The following TBPL2 variants were observed in gnomAD, a reference collection of about 807,000 sequenced individuals.
TBPL2 encodes the protein TATA-box binding protein like 2.
TBPL2 carries 40 observed loss-of-function variants against 38.2 expected under a neutral mutation model. The observed-to-expected ratio is 1.05, with a 90% CI of 0.81 to 1.36. The LOEUF (loss-of-function observed/expected upper bound fraction) is 1.36. Ranked by LOEUF, TBPL2 falls within the 40% of genes most tolerant of loss-of-function variation. The pLI is 0.00. For missense variants in TBPL2, 461 were observed against 456.7 expected (o/e 1.01, Z -0.09); for synonymous variants, 169 against 171.7 (o/e 0.98, Z 0.12).
chr14:55,440,309 A>G, intron 1 of TBPL2, 87 bp downstream of exon 1: 2 of 1,499,022 alleles, frequency 1.3e-6, no homozygotes, highest in Non-Finnish European at 1.8e-6. Context: ...GGTCGCTATG[A>G]GTTTTAAGAG....
chr14:55,421,044 GA>G (rs1885734983), intron 6 of TBPL2, among the ~76,000 whole-genome samples: 1 of 135,066 alleles, frequency 7.4e-6, no homozygotes, highest in Non-Finnish European at 1.6e-5. Context: ...CTGGGCAAAA[GA>G]GTGAGAATCT....
chr14:55,427,701 A>T (rs1464676856), intron 5 of TBPL2, among the ~76,000 whole-genome samples: 1 of 152,020 alleles, frequency 6.6e-6, no homozygotes. Flanking sequence ...TGGGAGAGCC[A>T]CCAAAACGGC....
intron 1 of TBPL2, among the ~76,000 whole-genome samples, chr14:55,439,417 TCC>T (rs1317317096): frequency 1.3e-5 from 2 of 151,860 alleles, no homozygotes; most frequent in African/African-American, 4.8e-5. Flanking sequence ...GCTCTCTGTT[TCC>T]CCTGTCAAAG....
intron 1 of TBPL2, among the ~76,000 whole-genome samples, chr14:55,438,127 C>A (rs1280564765): frequency 6.6e-6 from 1 of 152,132 alleles, no homozygotes; most frequent in East Asian, 1.9e-4. Flanking sequence ...GCACTGCTTG[C>A]AGGAGAAACT....
At chr14:55,432,409 T>A in intron 4 of TBPL2, among the ~76,000 whole-genome samples, 1 of 138,094 alleles carries the variant, frequency 7.2e-6, no homozygotes, top group African/African-American at 2.8e-5. Flanking sequence ...TGAGACCGTG[T>A]CTCAGAAAAA....
chr14:55,429,993 A>C (rs1298070532), intron 4 of TBPL2, among the ~76,000 whole-genome samples: 1 of 152,018 alleles, frequency 6.6e-6, no homozygotes, highest in Non-Finnish European at 1.5e-5. Flanking sequence ...AATTCAATTC[A>C]AACTCAACAC....
chr14:55,424,492 T>C (rs1885791122), intron 5 of TBPL2, among the ~76,000 whole-genome samples: 1 of 152,208 alleles, frequency 6.6e-6, no homozygotes, highest in South Asian at 2.1e-4. Context: ...CCTGGATGGT[T>C]ATTAGAAATC....
intron 6 of TBPL2, among the ~76,000 whole-genome samples, chr14:55,417,453 TAAAAAA>T (rs539769285): frequency 2.0e-4 from 18 of 91,342 alleles, no homozygotes; most frequent in African/African-American, 8.1e-4. Context: ...ACCCTTGCCT[TAAAAAA>T]AAAAAAAAAA....
At chr14:55,428,856 A>G (rs1885875196) in exon 5 of TBPL2, 2 of 1,614,198 alleles carry the variant, frequency 1.2e-6, no homozygotes, top group East Asian at 4.5e-5. Flanking sequence ...CTGATGGGAA[A>G]TCTCACATCA....
chr14:55,424,209 T>G (rs1300811670), exon 6 of TBPL2: 1 of 1,613,506 alleles, frequency 6.2e-7, no homozygotes, highest in Admixed American at 1.7e-5. Context: ...AATTCGTGGT[T>G]TTACCATTCT....
At chr14:55,435,991 A>T in intron 2 of TBPL2, 57 bp from the exon 3 acceptor site, 1 of 1,164,046 alleles carries the variant, frequency 8.6e-7, no homozygotes, top group Non-Finnish European at 1.2e-6. Context: ...AAAAAAAAAA[A>T]AAGACAACTT....
chr14:55,432,354 A>C (rs974914696), intron 4 of TBPL2, among the ~76,000 whole-genome samples: 4 of 151,680 alleles, frequency 2.6e-5, no homozygotes, highest in Admixed American at 1.3e-4. Flanking sequence ...TGGAGGTTGC[A>C]GTGAGCCCAG....
chr14:55,432,145 C>A (rs114620418), intron 4 of TBPL2, among the ~76,000 whole-genome samples: 1 of 151,696 alleles, frequency 6.6e-6, no homozygotes, highest in African/African-American at 2.4e-5. Flanking sequence ...TAGTAGCTCA[C>A]GCCTGTAATC....
chr14:55,424,321 C>A, intron 5 of TBPL2, 68 bp from the exon 6 acceptor site: 1 of 1,000,534 alleles, frequency 1.0e-6, no homozygotes, highest in African/African-American at 1.6e-5. Context: ...ACATGTAAGG[C>A]CCAGTATATT....
chr14:55,435,758 A>AC, intron 3 of TBPL2, 89 bp downstream of exon 3: 2 of 970,296 alleles, frequency 2.1e-6, no homozygotes, highest in African/African-American at 1.7e-5. Context: ...TTAAGAAAAA[A>AC]CAGAGGAATT....
intron 5 of TBPL2, among the ~76,000 whole-genome samples, chr14:55,427,759 C>T (rs976266715): frequency 6.6e-6 from 1 of 151,650 alleles, no homozygotes; most frequent in Non-Finnish European, 1.5e-5. Context: ...AGTCTGAAGT[C>T]AGGAAGGCTA....
At chr14:55,426,166 C>G (rs1045738471) in intron 5 of TBPL2, among the ~76,000 whole-genome samples, 16 of 151,708 alleles carry the variant, frequency 1.1e-4, no homozygotes, top group African/African-American at 3.9e-4. Flanking sequence ...ACTCAGGAGG[C>G]TGAGGCAGGA....
intron 6 of TBPL2, among the ~76,000 whole-genome samples, chr14:55,415,132 A>T (rs1294134503): frequency 6.6e-6 from 1 of 152,144 alleles, no homozygotes; most frequent in Admixed American, 6.5e-5. Flanking sequence ...CCAGCTTCCA[A>T]ATTATGCAGG....
intron 6 of TBPL2, among the ~76,000 whole-genome samples, chr14:55,417,570 A>T (rs932917803): frequency 1.3e-5 from 2 of 150,900 alleles, no homozygotes; most frequent in Non-Finnish European, 2.9e-5. Context: ...AGTGATTCTC[A>T]TGCCTCAGCC....
Sources: allele counts gnomAD v4.1 joint callset (sites outside exome capture counted in the v4.1 genomes callset), GRCh38; gene constraint gnomAD v4.1.1; transcripts MANE v1.5; gene names NCBI Gene and HGNC (gene_info 2026-07-23, HGNC 2026-07-21).